Variants in GRAMD4 observed in about 807,000 individuals in gnomAD.
GRAMD4 encodes GRAM domain containing 4.
GRAMD4 carries 25 observed loss-of-function variants against 83.9 expected under a neutral mutation model. That is an observed-to-expected ratio of 0.30 (90% CI 0.22 to 0.42). GRAMD4 has a LOEUF of 0.42. GRAMD4 is among the 10% of genes least tolerant of loss of function. The pLI is 1.00. For missense variants in GRAMD4, 593 were observed against 788.7 expected (o/e 0.75, Z 2.97); for synonymous variants, 336 against 320.9 (o/e 1.05, Z -0.50).
Position 46,602,762 on chromosome 22 carries a change from C to CTTTTTTTT in GRAMD4, c.-49-23980_-49-23973dup, listed in dbSNP as rs534249203. ...TCCTTTATCTTTTGTCCATTTTTCTCTTTTTTTTTTTTTTTTGAGGCAGAG... is the reference window on the plus strand; with the variant it reads ...TCCTTTATCTTTTGTCCATTTTTCTCTTTTTTTTTTTTTTTTTTTTTTTTGAGGCAGAG... On this transcript the variant is annotated intron_variant, in intron 1 of 1. Coordinates refer to the GRAMD4 transcript ENST00000431155. 1.3e-4 allele frequency among the ~76,000 whole-genome samples: 16 copies of CTTTTTTTT among 121,448 alleles called. 1 individual carries two copies. The highest frequency in any genetic ancestry group is 2.0e-4 in the Non-Finnish European group (12 of 61,096). The allele number at this position is 121,448 out of a possible 152,430, so 79.7% of individuals were successfully genotyped here.
chr22:46,624,917 G>A (rs1461537587), intron 1 of GRAMD4, among the ~76,000 whole-genome samples: 1 of 147,420 alleles, frequency 6.8e-6, no homozygotes, highest in Non-Finnish European at 1.5e-5. Flanking sequence ...CTGGAGTGCA[G>A]TGGCGGGATC....
chr22:46,620,957 C>T lies in GRAMD4; in HGVS notation c.-50+392C>T, dbSNP rs993061226. Among the ~76,000 whole-genome samples, 15 of 152,124 alleles carry T rather than the reference C, an allele frequency of 9.9e-5. No homozygotes were observed. The highest frequency in any genetic ancestry group is 1.9e-4 in the Non-Finnish European group (13 of 68,004). On this transcript the variant is annotated intron_variant, in intron 1 of 18. Transcript: ENST00000406902. This position sits in a 1 kb window ranked among gnomAD's most constrained non-coding sequence, Gnocchi z 4.7. ...AGGCCGATCTGAGAGGGCCGCATGG[C>T]TCGGAGTTGCAGGGGCCCTGGGCTG... is the stretch of plus-strand genomic sequence containing the variant.
intron 15 of GRAMD4, among the ~76,000 whole-genome samples, 189 bp downstream of exon 15, chr22:46,674,003 G>C (rs532304319): frequency 6.0e-4 from 91 of 152,380 alleles, no homozygotes; most frequent in South Asian, 2.5e-3. Context: ...GCGGGCTACA[G>C]GGGAGGAGGG....
rs746485933 is a variant in GRAMD4, at chr22:46,580,179, C to T, written c.-50+2889C>T. Among the ~76,000 whole-genome samples the T allele has an allele frequency of 7.2e-5, 11 of 152,316 alleles. No homozygotes were observed. In the South Asian group the frequency reaches 8.3e-4, roughly 11 times the overall value. ...TGAATTGAGGGAGAGAAGCTGTGGC[C>T]GGGTTTAGTGAGTAACAGGCAGAAG... On this transcript the variant is annotated intron_variant, in intron 1 of 1. Coordinates refer to the GRAMD4 transcript ENST00000431155.
At chr22:46,644,897 CTTTTTTTTTTTTTT>C (rs35677843) in intron 3 of GRAMD4, among the ~76,000 whole-genome samples, 6 of 41,016 alleles carry the variant, frequency 1.5e-4, no homozygotes, top group Non-Finnish European at 2.0e-4. Context: ...TGCACATGGC[CTTTTTTTTTTTTTT>C]TTTTTTTTTT....
chr22:46,675,985 G>A (rs527988557), intron 17 of GRAMD4, among the ~76,000 whole-genome samples: 4 of 152,238 alleles, frequency 2.6e-5, no homozygotes, highest in East Asian at 1.9e-4. Context: ...GCAGGTGGGC[G>A]TGGCCACAAG....
chr22:46,582,296 C>T lies in GRAMD4; in HGVS notation c.-50+5006C>T, dbSNP rs142418579. Among the ~76,000 whole-genome samples, 6 of 152,094 alleles carry T rather than the reference C, an allele frequency of 3.9e-5. No individual in the cohort carries two copies. The East Asian group carries it at 9.6e-4, about 24-fold the overall frequency. On this transcript the variant is annotated intron_variant, in intron 1 of 1. Coordinates refer to the GRAMD4 transcript ENST00000431155. ...TTGGGACTCTGTGCCACCAAACTCC[C>T]GAGAAGCTGCAGTGGGAGAAGCTGA...
At chr22:46,638,887 T>C (rs1364489071) in intron 3 of GRAMD4, among the ~76,000 whole-genome samples, 1 of 152,200 alleles carries the variant, frequency 6.6e-6, no homozygotes, top group Non-Finnish European at 1.5e-5. Context: ...TTTTCCATGC[T>C]GTGTACCAGA....
chr22:46,682,521 G>A (rs192379473), downstream of GRAMD4: 147 of 831,230 alleles, frequency 1.8e-4, no homozygotes, highest in Admixed American at 6.6e-3. Context: ...CAGAACCCTC[G>A]GGACTGCGAC....
At chr22:46,660,791 C>A (rs372426237) in intron 4 of GRAMD4, among the ~76,000 whole-genome samples, 1 of 152,182 alleles carries the variant, frequency 6.6e-6, no homozygotes, top group African/African-American at 2.4e-5. Context: ...TCCCCACTCC[C>A]GCTTCCCAAG....
intron 1 of GRAMD4, among the ~76,000 whole-genome samples, chr22:46,595,720 G>A (rs1355868058): frequency 6.6e-6 from 1 of 152,238 alleles, no homozygotes; most frequent in African/African-American, 2.4e-5. Context: ...CGGCCGGTCA[G>A]GGGGCCAAGA....
At position 46,658,221 on chromosome 22, in the gene GRAMD4, C is replaced by T. The variant is rs147577527; in HGVS notation, c.318C>T (p.Asn106=). 111 of 1,613,604 alleles carry T rather than the reference C, an allele frequency of 6.9e-5. No homozygotes were observed. Among genetic ancestry groups the T allele is most frequent in the Non-Finnish European group, 8.7e-5 (103 of 1,179,910 alleles). The change falls in exon 4 of 19, where the codon AAC becomes AAT. Residue 106 remains asparagine, a synonymous_variant. Transcript: ENST00000406902. ...EELRKLREET[N]AEMLRQELDR... is the part of the protein sequence containing the mutation. The stretch of plus-strand genomic sequence containing the variant: ...TCCGGAAGCTGCGAGAAGAAACCAA[C>T]GCGGAGATGCTGCGGCAGGAGCTGG...
At chr22:46,667,599 T>A (rs1241753969) in intron 10 of GRAMD4, among the ~76,000 whole-genome samples, 1 of 152,198 alleles carries the variant, frequency 6.6e-6, no homozygotes, top group Non-Finnish European at 1.5e-5. Context: ...AAGGGAGGCC[T>A]CGGTGCCTCC....
intron 3 of GRAMD4, among the ~76,000 whole-genome samples, chr22:46,639,275 C>T (rs2147230038): frequency 1.1e-5 from 1 of 93,318 alleles, no homozygotes; most frequent in East Asian, 2.0e-4. Context: ...GGTAGTTAAC[C>T]CTGTGCGTGC....
chr22:46,666,567 C>T (rs2082411867), intron 9 of GRAMD4, among the ~76,000 whole-genome samples: 1 of 152,244 alleles, frequency 6.6e-6, no homozygotes, highest in South Asian at 2.1e-4. Context: ...GGGCCGCCCT[C>T]TCCCACACCG....
chr22:46,577,843 G>T (rs2081059354), intron 1 of GRAMD4, among the ~76,000 whole-genome samples: 1 of 152,230 alleles, frequency 6.6e-6, no homozygotes, highest in African/African-American at 2.4e-5. Context: ...GCTCTGCTGG[G>T]GCGGGCTGGC....
chr22:46,589,740 A>C (rs1180570127), intron 1 of GRAMD4, among the ~76,000 whole-genome samples: 1 of 152,002 alleles, frequency 6.6e-6, no homozygotes, highest in Non-Finnish European at 1.5e-5. Context: ...GTGGATCCTT[A>C]ACTCTTCTGG....
rs2082620132 is a variant in GRAMD4, at chr22:46,677,737, C to T, written c.*486C>T. On this transcript the variant is annotated 3_prime_UTR_variant, in exon 19 of 19. Transcript: ENST00000406902. ...ATGTCGTCAAGGAGGGACATGGGGG[C>T]CTTTCACCAACCACCGAGAAACGGG... The T allele has an allele frequency of 3.1e-6, 3 of 976,586 alleles. No homozygotes were observed. The highest frequency in any genetic ancestry group is 3.7e-5 in the African/African-American group (2 of 54,256). The allele number at this position is 976,586 out of a possible 1,614,324, so 60.5% of individuals were successfully genotyped here.
chr22:46,643,336 C>CATCT (rs2082018842), intron 3 of GRAMD4, among the ~76,000 whole-genome samples: 2 of 7,534 alleles, frequency 2.7e-4, no homozygotes, highest in African/African-American at 1.4e-3. Flanking sequence ...TGCATCTATC[C>CATCT]ATCCATCCAT....
Sources: gnomAD v4.1 joint callset for allele counts (sites outside exome capture counted in the v4.1 genomes callset) on GRCh38, gnomAD v4.1.1 for gene constraint, Gnocchi (gnomAD v3.1) non-coding constraint, MANE v1.5 for transcripts, NCBI Gene and HGNC (gene_info 2026-07-23, HGNC 2026-07-21) for gene names.